The following FSTL4 variants were observed in gnomAD, a reference collection of about 807,000 sequenced individuals.
The protein encoded by FSTL4 is follistatin-related protein 4.
A neutral mutation model predicts 78.2 loss-of-function variants in FSTL4; 28 were observed. The ratio of observed to expected loss-of-function variants is 0.36; its 90% CI spans 0.27 to 0.49. The LOEUF (loss-of-function observed/expected upper bound fraction) is 0.49. Among genes scored for constraint, FSTL4 ranks in the 20% least tolerant of loss-of-function variants. FSTL4 has a pLI of 0.98. For missense variants in FSTL4, 922 were observed against 1,084.9 expected, an observed-to-expected ratio of 0.85 and a Z score of 2.11; for synonymous variants, 422 against 440.5, an observed-to-expected ratio of 0.96 and a Z score of 0.53.
At chr5:133,669,824 G>A in the FSTL4 span, among the ~76,000 whole-genome samples, 1 of 152,174 alleles carries the variant, frequency 6.6e-6, no homozygotes, top group South Asian at 2.1e-4. Context: ...CCATGCCCTA[G>A]GCTAACCTCC....
chr5:133,414,984 T>C (rs1053704764), intron 3 of FSTL4, among the ~76,000 whole-genome samples: 1 of 152,232 alleles, frequency 6.6e-6, no homozygotes, highest in Non-Finnish European at 1.5e-5. Context: ...CAATAACCTA[T>C]GCACCTCTCT....
chr5:133,590,632 A>G (rs1345251399), intron 2 of FSTL4, among the ~76,000 whole-genome samples: 1 of 152,190 alleles, frequency 6.6e-6, no homozygotes, highest in South Asian at 2.1e-4. Flanking sequence ...CTACAGCCAC[A>G]GGATATGTAT....
the FSTL4 span, among the ~76,000 whole-genome samples, chr5:133,716,209 G>A: frequency 6.6e-6 from 1 of 152,102 alleles, no homozygotes; most frequent in Non-Finnish European, 1.5e-5. Flanking sequence ...GCAAGAAAAT[G>A]GAAGGTATTC....
chr5:133,358,477 A>G (rs1754989710), intron 4 of FSTL4, among the ~76,000 whole-genome samples: 1 of 149,990 alleles, frequency 6.7e-6, no homozygotes, highest in South Asian at 2.2e-4. Context: ...AGGGAGGGCG[A>G]GGGGGCCTGG....
the FSTL4 span, among the ~76,000 whole-genome samples, chr5:133,722,171 T>C: frequency 2.6e-4 from 40 of 152,016 alleles, no homozygotes; most frequent in African/African-American, 6.5e-4. Context: ...CGTCCTGAGC[T>C]CCACCTCCTG....
At chr5:133,681,816 G>A in the FSTL4 span, among the ~76,000 whole-genome samples, 5 of 152,248 alleles carry the variant, frequency 3.3e-5, no homozygotes, top group Non-Finnish European at 5.9e-5. Context: ...TTCCAGACTC[G>A]TCCTTGGGTC....
At chr5:133,780,730 C>A in the FSTL4 span, among the ~76,000 whole-genome samples, 8 of 149,308 alleles carry the variant, frequency 5.4e-5, no homozygotes, top group Admixed American at 2.0e-4. Flanking sequence ...CAGAATAACC[C>A]GATGAGGTAG....
chr5:133,325,935 G>A (rs762608029), intron 4 of FSTL4, among the ~76,000 whole-genome samples: 2 of 152,190 alleles, frequency 1.3e-5, no homozygotes, highest in Non-Finnish European at 2.9e-5. Flanking sequence ...GCAAAGCTTC[G>A]ATCTTCACCA....
At chr5:133,817,300 C>CAAGTCAGA in the FSTL4 span, among the ~76,000 whole-genome samples, 1 of 152,174 alleles carries the variant, frequency 6.6e-6, no homozygotes, top group African/African-American at 2.4e-5. Context: ...GACTCCAAGG[C>CAAGTCAGA]CATGCACTTG....
chr5:133,203,979 T>TAAC (rs1401833340), intron 14 of FSTL4, among the ~76,000 whole-genome samples: 1 of 151,926 alleles, frequency 6.6e-6, no homozygotes, highest in African/African-American at 2.4e-5. Flanking sequence ...TAAAGATAGA[T>TAAC]AACTGTCAAG....
chr5:133,293,409 C>T lies in FSTL4; in HGVS notation c.727+19245G>A, dbSNP rs559180221. 1.5e-4 allele frequency among the ~76,000 whole-genome samples: 23 copies of T among 152,370 alleles called. 1 individual carries two copies. In the South Asian group the frequency reaches 4.6e-3, roughly 30 times the overall value. ...ACTGACTTTGACCACACCCTCCATG[C>T]TTCCCTGGCTTCCTTGACATGCCCA... On this transcript the variant is annotated intron_variant, in intron 6 of 15. Transcript: ENST00000265342.
chr5:133,348,667 C>A lies in FSTL4; in HGVS notation c.410-32015G>T, dbSNP rs539190884. ...CAGCTGTGTGTCCTCCACTTCGCAACCTGTGCCTCTCTAGTCCAGCTGCTC... is the reference window on the plus strand; with the variant it reads ...CAGCTGTGTGTCCTCCACTTCGCAAACTGTGCCTCTCTAGTCCAGCTGCTC... On this transcript the variant is annotated intron_variant, in intron 4 of 15. Transcript: ENST00000265342. 1.0e-3 allele frequency among the ~76,000 whole-genome samples: 152 copies of A among 152,364 alleles called. 1 individual carries two copies. The highest frequency in any genetic ancestry group is 3.4e-3 in the African/African-American group (142 of 41,586).
intron 3 of FSTL4, among the ~76,000 whole-genome samples, chr5:133,497,005 A>G (rs1404532047): frequency 6.6e-6 from 1 of 152,160 alleles, no homozygotes; most frequent in African/African-American, 2.4e-5. Flanking sequence ...GGGCTCCCCA[A>G]GAGCCTCTGC....
chr5:133,509,280 CT>C (rs1307851496), intron 3 of FSTL4, among the ~76,000 whole-genome samples: 1 of 152,178 alleles, frequency 6.6e-6, no homozygotes, highest in African/African-American at 2.4e-5. Context: ...CTCATCTCCT[CT>C]GGGCTCTGGA....
intron 6 of FSTL4, among the ~76,000 whole-genome samples, chr5:133,272,499 T>G (rs995018793): frequency 9.2e-5 from 14 of 152,250 alleles, no homozygotes; most frequent in African/African-American, 3.4e-4. Context: ...TACACGGGCT[T>G]GTTCATTTAC....
At chr5:133,673,703 G>T in the FSTL4 span, among the ~76,000 whole-genome samples, 3 of 152,118 alleles carry the variant, frequency 2.0e-5, no homozygotes, top group African/African-American at 7.2e-5. Flanking sequence ...CCTATTATAT[G>T]CACAGAGCTC....
chr5:133,374,646 T>C (rs1755390195), intron 4 of FSTL4, among the ~76,000 whole-genome samples: 1 of 152,150 alleles, frequency 6.6e-6, no homozygotes, highest in South Asian at 2.1e-4. Context: ...GAGGTGTCTG[T>C]TAGGTAATTA....
At chr5:133,326,279 G>T (rs1208770477) in intron 4 of FSTL4, among the ~76,000 whole-genome samples, 1 of 152,160 alleles carries the variant, frequency 6.6e-6, no homozygotes, top group African/African-American at 2.4e-5. Context: ...ACATGATGTC[G>T]TTTCACTGAC....
intron 3 of FSTL4, among the ~76,000 whole-genome samples, chr5:133,517,921 G>A (rs1758897447): frequency 6.6e-6 from 1 of 152,114 alleles, no homozygotes; most frequent in Non-Finnish European, 1.5e-5. Flanking sequence ...GACTGGGTGA[G>A]GTCCACCCAC....
Sources: allele counts gnomAD v4.1 joint callset (sites outside exome capture counted in the v4.1 genomes callset), GRCh38; gene constraint gnomAD v4.1.1; transcripts MANE v1.5; gene names NCBI Gene and HGNC (gene_info 2026-07-23, HGNC 2026-07-21).